Variants in IQSEC3 observed in about 807,000 individuals in gnomAD.
IQSEC3 encodes IQ motif and SEC7 domain-containing protein 3.
IQSEC3 carries 50 observed loss-of-function variants against 105.4 expected under a neutral mutation model. The ratio of observed to expected loss-of-function variants is 0.47; its 90% CI spans 0.38 to 0.60. The LOEUF (loss-of-function observed/expected upper bound fraction) is 0.60, where lower values mean the gene tolerates loss of function less well. Among genes scored for constraint, IQSEC3 ranks in the 20% least tolerant of loss-of-function variants. IQSEC3 has a pLI of 0.00. For missense variants in IQSEC3, 1,415 were observed against 1,630.0 expected, an observed-to-expected ratio of 0.87 and a Z score of 2.27; for synonymous variants, 708 against 746.0, an observed-to-expected ratio of 0.95 and a Z score of 0.83.
At chr12:157,416 A>G in intron 6 of IQSEC3, 112 bp from the exon 7 acceptor site, 1 of 1,254,534 alleles carries the variant, frequency 8.0e-7, no homozygotes, top group Non-Finnish European at 1.1e-6. Flanking sequence ...GTCTCCCTGG[A>G]CCTAAAGCCT....
At chr12:165,685 G>A in intron 10 of IQSEC3, 44 bp from the exon 11 acceptor site, 1 of 1,606,436 alleles carries the variant, frequency 6.2e-7, no homozygotes, top group South Asian at 1.1e-5. Context: ...GCCCTCGGCT[G>A]CTGCTGCTCA....
intron 2 of IQSEC3, among the ~76,000 whole-genome samples, chr12:122,162 C>T (rs532967937): frequency 5.5e-4 from 84 of 152,304 alleles, no homozygotes; most frequent in Admixed American, 2.5e-3. Context: ...CTCAGGTCCC[C>T]GAGCACGGAG....
chr12:125,763 C>A lies in IQSEC3; in HGVS notation c.754C>A (p.Arg252=). 6.6e-7 allele frequency: 1 copy of A among 1,510,660 alleles called. No individual in the cohort carries two copies. The highest frequency in any genetic ancestry group is 2.5e-5 in the East Asian group (1 of 40,630). The allele number at this position is 1,510,660 out of a possible 1,614,324, so 93.6% of individuals were successfully genotyped here. The change falls in exon 3 of 14, where the codon CGG becomes AGG. Residue 252 remains arginine (R), a synonymous_variant. Transcript: ENST00000538872. The part of the protein sequence containing the change: ...QAQELQEEEE[R]PGAGAASPRA... ...CCAGGAGCTGCAGGAGGAGGAGGAG[C>A]GGCCGGGGGCAGGGGCTGCCTCCCC...
chr12:78,273 T>C (rs1362348876), intron 1 of IQSEC3, among the ~76,000 whole-genome samples: 1 of 151,322 alleles, frequency 6.6e-6, no homozygotes, highest in Non-Finnish European at 1.5e-5. Flanking sequence ...CCGGGGAGCA[T>C]CGGGGCCGCG....
intron 2 of IQSEC3, among the ~76,000 whole-genome samples, chr12:101,344 G>A (rs1451482983): frequency 6.6e-6 from 1 of 152,204 alleles, no homozygotes; most frequent in Admixed American, 6.5e-5. Context: ...AGGGGCTGGA[G>A]CTCCAAGGGA....
chr12:69,924 G>A (rs1490474982), intron 1 of IQSEC3, among the ~76,000 whole-genome samples: 2 of 152,270 alleles, frequency 1.3e-5, no homozygotes, highest in African/African-American at 4.8e-5. Flanking sequence ...AGATCTCCAT[G>A]GAGAGGGAGA....
At chr12:70,121 G>A (rs1390704587) in intron 1 of IQSEC3, among the ~76,000 whole-genome samples, 6 of 152,252 alleles carry the variant, frequency 3.9e-5, no homozygotes, top group African/African-American at 9.6e-5. Context: ...CAGCAAGAAC[G>A]CGACCCCACT....
intron 1 of IQSEC3, among the ~76,000 whole-genome samples, chr12:79,227 C>T (rs1170725620): frequency 2.0e-5 from 2 of 100,284 alleles, no homozygotes; most frequent in African/African-American, 8.3e-5. Context: ...GAGGCCCTCC[C>T]TCACCCCCCG....
At chr12:110,933 G>A (rs1318453613) in intron 2 of IQSEC3, among the ~76,000 whole-genome samples, 2 of 152,108 alleles carry the variant, frequency 1.3e-5, no homozygotes, top group African/African-American at 4.8e-5. Flanking sequence ...TTCTTACATT[G>A]TTCTAATTCT....
intron 1 of IQSEC3, among the ~76,000 whole-genome samples, chr12:75,499 G>C (rs1226870439): frequency 5.8e-4 from 88 of 152,238 alleles, no homozygotes; most frequent in African/African-American, 1.6e-3. Context: ...AAGTTAAAGA[G>C]CATCATGATG....
intron 7 of IQSEC3, among the ~76,000 whole-genome samples, chr12:158,496 T>C (rs1866776239): frequency 6.6e-6 from 1 of 152,164 alleles, no homozygotes. Context: ...CTGATCTGGA[T>C]CATTTTCACC....
At position 139,120 on chromosome 12, in the gene IQSEC3, GGGCCGA is replaced by G. The variant is rs1252645304; in HGVS notation, c.1767_1772del (p.Glu590_Ala591del). On this transcript the variant is annotated inframe_deletion, in exon 4 of 14. Transcript: ENST00000538872. Reference sequence around the variant, plus strand: ...GAGGAGACGGCGGAGGTGGGGAGAGGGGCCGAGGCCGAGGCAGGCGACTTGGAGCAG... The same window carrying G: ...GAGGAGACGGCGGAGGTGGGGAGAGGGGCCGAGGCAGGCGACTTGGAGCAG... 4 of 1,513,082 alleles carry G rather than the reference GGGCCGA, an allele frequency of 2.6e-6. No individual in the cohort carries two copies. The highest frequency in any genetic ancestry group is 1.3e-5 in the South Asian group (1 of 79,748). 93.7% of individuals were successfully genotyped at this position (1,513,082 alleles called of 1,614,324 possible). A position where few individuals can be genotyped will look rare whatever the true frequency, so the allele number is the denominator to read the frequency against.
At chr12:78,967 T>G (rs1291552991) in intron 1 of IQSEC3, among the ~76,000 whole-genome samples, 1 of 152,156 alleles carries the variant, frequency 6.6e-6, no homozygotes, top group African/African-American at 2.4e-5. Flanking sequence ...ACTCCTTCCC[T>G]GTTTGACTTC....
intron 3 of IQSEC3, among the ~76,000 whole-genome samples, chr12:128,330 C>T (rs371491629): frequency 5.3e-5 from 8 of 152,152 alleles, no homozygotes; most frequent in African/African-American, 1.7e-4. Flanking sequence ...CAGTGCCTGG[C>T]GAAGAAGCTG....
At chr12:91,423 A>G (rs1353054274) in intron 1 of IQSEC3, among the ~76,000 whole-genome samples, 2 of 152,130 alleles carry the variant, frequency 1.3e-5, no homozygotes, top group African/African-American at 4.8e-5. Context: ...CCATCTGGCC[A>G]GCTGGCCCTG....
At chr12:168,907 C>T in intron 11 of IQSEC3, 106 bp from the exon 12 acceptor site, 1 of 917,242 alleles carries the variant, frequency 1.1e-6, no homozygotes, top group Non-Finnish European at 1.8e-6. Flanking sequence ...TGTACTGGGA[C>T]CTCTCCTCCT....
At chr12:83,675 G>A (rs1317919842) in intron 1 of IQSEC3, among the ~76,000 whole-genome samples, 1 of 150,410 alleles carries the variant, frequency 6.6e-6, no homozygotes, top group African/African-American at 2.5e-5. Flanking sequence ...GGGAGTTTGT[G>A]GGGAGAGAGG....
chr12:136,576 T>G (rs1420042834), intron 3 of IQSEC3, among the ~76,000 whole-genome samples: 1 of 152,050 alleles, frequency 6.6e-6, no homozygotes, highest in African/African-American at 2.4e-5. Context: ...CCATCCATGA[T>G]CCCTGGAGAA....
At chr12:134,999 G>A (rs981527362) in intron 3 of IQSEC3, among the ~76,000 whole-genome samples, 55 of 152,134 alleles carry the variant, frequency 3.6e-4, no homozygotes, top group South Asian at 2.3e-3. Context: ...GCACAGTGGC[G>A]CACACCTGTA....
Sources: allele counts gnomAD v4.1 joint callset (sites outside exome capture counted in the v4.1 genomes callset), GRCh38; gene constraint gnomAD v4.1.1; transcripts MANE v1.5; gene names NCBI Gene and HGNC (gene_info 2026-07-23, HGNC 2026-07-21).